AFF1: variants seen among roughly 807,000 people sequenced by gnomAD.
AFF1 encodes the protein ALF transcription elongation factor 1, also known as AF4/FMR2 family member 1.
Under a neutral mutation model 121.7 loss-of-function variants are expected in AFF1, and 48 were observed. That is an observed-to-expected ratio of 0.39 (90% CI 0.31 to 0.50). AFF1 has a LOEUF of 0.50. Ranked by LOEUF, AFF1 falls within the 20% of genes least tolerant of loss-of-function variation. The pLI is 0.76. For missense variants in AFF1, 1,523 were observed against 1,511.7 expected (o/e 1.01, Z -0.12); for synonymous variants, 613 against 563.0 (o/e 1.09, Z -1.26).
At chr4:87,043,969 C>T (rs1471282460) in intron 2 of AFF1, among the ~76,000 whole-genome samples, 4 of 152,104 alleles carry the variant, frequency 2.6e-5, no homozygotes, top group East Asian at 1.9e-4. Context: ...CAGGCGCCTG[C>T]GACCACAGCC....
At chr4:86,998,126 A>AAAAAAAAAAAAAAAC (rs1725381921) in intron 2 of AFF1, among the ~76,000 whole-genome samples, 2 of 132,776 alleles carry the variant, frequency 1.5e-5, no homozygotes, top group African/African-American at 5.6e-5. Flanking sequence ...AAAAAAAAAA[A>AAAAAAAAAAAAAAAC]ACAAGAAAAC....
intron 5 of AFF1, among the ~76,000 whole-genome samples, chr4:87,089,219 T>C (rs888717898): frequency 7.9e-5 from 12 of 152,184 alleles, no homozygotes; most frequent in African/African-American, 2.7e-4. Context: ...AAAGTGTGTT[T>C]GTGTGTGTAT....
chr4:87,126,387 T>C (rs1262290583), intron 14 of AFF1, 51 bp downstream of exon 14: 1 of 1,543,364 alleles, frequency 6.5e-7, no homozygotes, highest in Admixed American at 1.7e-5. Context: ...TGCTGTACCT[T>C]TACGTTCCCA....
intron 2 of AFF1, among the ~76,000 whole-genome samples, chr4:86,995,440 T>C (rs1388090495): frequency 6.6e-6 from 1 of 151,060 alleles, no homozygotes; most frequent in African/African-American, 2.4e-5. Context: ...GCCTGCCGAG[T>C]GCCTGCGATT....
Position 86,944,562 on chromosome 4 carries a change from T to C in AFF1, c.-36-3936T>C, listed in dbSNP as rs565833895. Among the ~76,000 whole-genome samples, 154 of 152,214 alleles carry C rather than the reference T, an allele frequency of 1.0e-3. 1 individual carries two copies. Among genetic ancestry groups the C allele is most frequent in the African/African-American group, 3.6e-3 (148 of 41,526 alleles). On this transcript the variant is annotated intron_variant, in intron 1 of 20. Transcript: ENST00000395146. ...GGTTTCACCATGTTAACCAGGATCG[T>C]CTTGATTTCCTGACCTCGTGATTTG...
intron 2 of AFF1, among the ~76,000 whole-genome samples, chr4:86,977,692 T>C (rs1366777092): frequency 6.6e-6 from 1 of 152,200 alleles, no homozygotes; most frequent in Non-Finnish European, 1.5e-5. Flanking sequence ...CCTCAGGGTG[T>C]TAAGGACTAT....
intron 2 of AFF1, among the ~76,000 whole-genome samples, chr4:87,021,554 G>A (rs1300381564): frequency 6.6e-6 from 1 of 152,106 alleles, no homozygotes; most frequent in African/African-American, 2.4e-5. Flanking sequence ...CCCACTTTCT[G>A]GCAGACTTGA....
At chr4:86,965,529 T>C (rs1722475443) in intron 2 of AFF1, among the ~76,000 whole-genome samples, 1 of 152,208 alleles carries the variant, frequency 6.6e-6, no homozygotes, top group Non-Finnish European at 1.5e-5. Context: ...ATTCTAAGTC[T>C]ATATCTAGGA....
chr4:87,127,583 T>C, intron 15 of AFF1, 60 bp from the exon 16 acceptor site: 1 of 1,525,006 alleles, frequency 6.6e-7, no homozygotes. Flanking sequence ...GGTCTTATCT[T>C]GCCCTAGTCT....
chr4:87,026,769 A>G (rs1452016237), intron 2 of AFF1, among the ~76,000 whole-genome samples: 2 of 152,148 alleles, frequency 1.3e-5, no homozygotes, highest in Non-Finnish European at 2.9e-5. Flanking sequence ...ATAAGGTAAT[A>G]CCTATTGTAT....
chr4:86,976,350 T>A (rs367936314), intron 2 of AFF1, among the ~76,000 whole-genome samples: 49 of 152,230 alleles, frequency 3.2e-4, no homozygotes, highest in African/African-American at 1.1e-3. Flanking sequence ...CTCCGCATTA[T>A]GGAATCAACC....
intron 4 of AFF1, chr4:87,049,518 G>C (rs1487241080): frequency 5.2e-6 from 2 of 381,536 alleles, no homozygotes. Context: ...ATGTTAATTG[G>C]CTCTTGCATG....
In AFF1 at chr4:87,114,431, C is replaced by T; in HGVS notation, c.1598C>T (p.Ala533Val). 6.2e-7 allele frequency: 1 copy of T among 1,610,980 alleles called. No individual in the cohort carries two copies. The highest frequency in any genetic ancestry group is 8.5e-7 in the Non-Finnish European group (1 of 1,179,308). ...TGGCTGACCAAAGTCAGCCAGCCAGCTGCGCCACCAGAGGGCCCCAGGAGC... is the reference window on the plus strand; with the variant it reads ...TGGCTGACCAAAGTCAGCCAGCCAGTTGCGCCACCAGAGGGCCCCAGGAGC... The part of the protein sequence containing the change: ...DNWLTKVSQP[A>V]APPEGPRSTE... Residue 533 changes from alanine (A) to valine (V), a missense_variant, in exon 12 of 21, where the codon GCT (alanine) becomes GTT (valine). This residue lies in a region of AFF1 where 905 missense variants were observed against 842.5 expected (regional missense o/e 1.07). Coordinates refer to ENST00000395146, the MANE Select transcript of AFF1 (RefSeq NM_001166693.3).
intron 11 of AFF1, among the ~76,000 whole-genome samples, chr4:87,110,442 TTTTGTTTTG>T (rs1364100503): frequency 5.8e-3 from 7 of 1,204 alleles, no homozygotes; most frequent in South Asian, 0.2. Flanking sequence ...GTTCTGGTTT[TTTTGTTTTG>T]TTTTGTTTTG....
intron 2 of AFF1, among the ~76,000 whole-genome samples, chr4:86,983,666 G>T (rs959019743): frequency 6.6e-6 from 1 of 151,834 alleles, no homozygotes; most frequent in African/African-American, 2.4e-5. Flanking sequence ...CCGAGATGGC[G>T]CCTCTGCACT....
intron 2 of AFF1, among the ~76,000 whole-genome samples, chr4:86,975,250 T>G (rs942505802): frequency 2.2e-4 from 34 of 152,120 alleles, no homozygotes; most frequent in African/African-American, 8.0e-4. Context: ...TAACCTCTTT[T>G]TTTGTTTGTT....
At chr4:87,001,818 T>C (rs928257656) in intron 2 of AFF1, among the ~76,000 whole-genome samples, 2 of 152,196 alleles carry the variant, frequency 1.3e-5, no homozygotes, top group Non-Finnish European at 2.9e-5. Context: ...TTTATTCTCC[T>C]CCATTATCTC....
chr4:87,028,289 C>A (rs1477940679), intron 2 of AFF1, among the ~76,000 whole-genome samples: 1 of 151,698 alleles, frequency 6.6e-6, no homozygotes, highest in Non-Finnish European at 1.5e-5. Flanking sequence ...CATTAAAGTT[C>A]AGTATTTTTT....
chr4:87,110,557 C>CT (rs1432837161), intron 11 of AFF1, among the ~76,000 whole-genome samples: 8 of 151,548 alleles, frequency 5.3e-5, no homozygotes, highest in African/African-American at 1.7e-4. Flanking sequence ...CTTCTACTCT[C>CT]TATCTCCATG....
Sources: gnomAD v4.1 joint callset for allele counts (sites outside exome capture counted in the v4.1 genomes callset) on GRCh38, gnomAD v4.1.1 for gene constraint, gnomAD v4.1.1 regional missense constraint, MANE v1.5 for transcripts, NCBI Gene and HGNC (gene_info 2026-07-23, HGNC 2026-07-21) for gene names.